The following MSRA variants were observed in gnomAD, a reference collection of about 807,000 sequenced individuals.
The protein encoded by MSRA is methionine sulfoxide reductase A, also known as mitochondrial peptide methionine sulfoxide reductase.
MSRA carries 54 observed loss-of-function variants against 31.3 expected under a neutral mutation model. That is an observed-to-expected ratio of 1.73 (90% CI 1.39 to 2.17). MSRA has a LOEUF of 2.17. Ranked by LOEUF, MSRA falls within the 30% of genes most tolerant of loss-of-function variation. The probability of loss-of-function intolerance (pLI) is 0.00; values close to 1 mark genes in which losing one functional copy is unlikely to be tolerated. For missense variants in MSRA, 507 were observed against 300.9 expected (o/e 1.69, Z -5.07); for synonymous variants, 169 against 116.5 (o/e 1.45, Z -2.90).
At chr8:10,120,272 C>T (rs1444758382) in intron 1 of MSRA, among the ~76,000 whole-genome samples, 1 of 152,182 alleles carries the variant, frequency 6.6e-6, no homozygotes, top group African/African-American at 2.4e-5. Context: ...CCCTGCTGAG[C>T]TTGGAAACAA....
intron 1 of MSRA, among the ~76,000 whole-genome samples, chr8:10,177,481 G>C (rs1362135662): frequency 6.6e-6 from 1 of 152,176 alleles, no homozygotes; most frequent in African/African-American, 2.4e-5. Flanking sequence ...CAGCGAGCTG[G>C]CTTCATGAGT....
intron 1 of MSRA, among the ~76,000 whole-genome samples, chr8:10,160,545 C>A (rs990144809): frequency 2.0e-5 from 3 of 151,798 alleles, no homozygotes; most frequent in African/African-American, 7.3e-5. Flanking sequence ...GAATCCATGA[C>A]ACGTCCTTAA....
chr8:10,405,339 G>C (rs1438976685), intron 5 of MSRA, among the ~76,000 whole-genome samples: 2 of 152,174 alleles, frequency 1.3e-5, no homozygotes, highest in East Asian at 3.9e-4. Context: ...TCCATGTTTG[G>C]GCAGCTCATT....
chr8:10,210,281 G>A (rs1809363042), intron 2 of MSRA, among the ~76,000 whole-genome samples: 2 of 152,186 alleles, frequency 1.3e-5, no homozygotes, highest in Non-Finnish European at 2.9e-5. Flanking sequence ...GTGGTTGGTG[G>A]AGCTACAGTT....
chr8:10,286,611 T>A (rs1476468568), intron 3 of MSRA, among the ~76,000 whole-genome samples: 1 of 152,242 alleles, frequency 6.6e-6, no homozygotes. Flanking sequence ...TTAGATATAC[T>A]GTCTCCATTA....
chr8:10,230,374 G>A (rs1377535589), intron 2 of MSRA, among the ~76,000 whole-genome samples: 4 of 152,216 alleles, frequency 2.6e-5, no homozygotes, highest in African/African-American at 2.4e-5. Context: ...GGAGATGGGG[G>A]TGTAGGAAGT....
intron 5 of MSRA, among the ~76,000 whole-genome samples, chr8:10,329,332 TC>T (rs1460550687): frequency 6.6e-6 from 1 of 152,182 alleles, no homozygotes; most frequent in African/African-American, 2.4e-5. Context: ...CCCCGGATCT[TC>T]CAGCGTCTGG....
chr8:10,281,951 T>G (rs188299174), intron 3 of MSRA, among the ~76,000 whole-genome samples: 9 of 152,260 alleles, frequency 5.9e-5, no homozygotes, highest in Admixed American at 5.2e-4. Context: ...ACTTTGCAGG[T>G]TTTTCAGGCT....
chr8:10,384,958 G>A (rs575969822), intron 5 of MSRA, among the ~76,000 whole-genome samples: 2 of 152,128 alleles, frequency 1.3e-5, no homozygotes, highest in South Asian at 4.2e-4. Context: ...GCCGTGATTG[G>A]GCCACTGCAC....
chr8:10,163,846 A>C (rs1473195600), intron 1 of MSRA, among the ~76,000 whole-genome samples: 1 of 152,212 alleles, frequency 6.6e-6, no homozygotes, highest in Non-Finnish European at 1.5e-5. Flanking sequence ...GGCACAGACC[A>C]GTGTGGCCCC....
rs1447194362 is a variant in MSRA, at chr8:10,232,460, C to T, written c.212-12644C>T. On this transcript the variant is annotated intron_variant, in intron 2 of 5. Coordinates refer to ENST00000317173, the MANE Select transcript of MSRA (RefSeq NM_012331.5). ...CAATTTATGTAGTGAACCCATAGGA[C>T]ATGTCAGATCTGGAAAACTGCCTTT... Among the ~76,000 whole-genome samples the T allele has an allele frequency of 3.3e-5, 5 of 152,288 alleles. No individual in the cohort carries two copies. The East Asian group carries it at 9.7e-4, about 29-fold the overall frequency.
chr8:10,271,960 G>C (rs1036465808), intron 3 of MSRA, among the ~76,000 whole-genome samples: 1 of 152,080 alleles, frequency 6.6e-6, no homozygotes, highest in Non-Finnish European at 1.5e-5. Context: ...CGCACACCTC[G>C]ACCTCCCAAA....
At chr8:10,135,671 C>T (rs1028191078) in intron 1 of MSRA, among the ~76,000 whole-genome samples, 4 of 152,178 alleles carry the variant, frequency 2.6e-5, no homozygotes, top group African/African-American at 9.6e-5. Context: ...TCGCGTGCCC[C>T]TATGCTAAAT....
chr8:10,182,016 G>A (rs1474576743), intron 1 of MSRA, among the ~76,000 whole-genome samples: 1 of 152,122 alleles, frequency 6.6e-6, no homozygotes, highest in East Asian at 1.9e-4. Context: ...GTGGGGCAGG[G>A]AGAGGATATA....
At chr8:10,275,107 T>C (rs550276665) in intron 3 of MSRA, among the ~76,000 whole-genome samples, 13 of 152,146 alleles carry the variant, frequency 8.5e-5, no homozygotes, top group African/African-American at 3.1e-4. Context: ...TTGCTGCCTT[T>C]CATATTCCAG....
intron 1 of MSRA, among the ~76,000 whole-genome samples, chr8:10,152,916 A>G (rs561137653): frequency 2.0e-5 from 3 of 152,324 alleles, no homozygotes; most frequent in African/African-American, 7.2e-5. Flanking sequence ...AAACAGACAC[A>G]TACTATGTAA....
intron 5 of MSRA, among the ~76,000 whole-genome samples, chr8:10,353,048 A>AG (rs1285332719): frequency 6.6e-6 from 1 of 152,030 alleles, no homozygotes; most frequent in Admixed American, 6.6e-5. Flanking sequence ...TCGTTTGGGT[A>AG]GGGGGAGAGG....
chr8:10,422,976 C>T (rs1341393134), intron 5 of MSRA, among the ~76,000 whole-genome samples: 3 of 152,236 alleles, frequency 2.0e-5, no homozygotes, highest in Admixed American at 6.5e-5. Flanking sequence ...GAGGCCGGAG[C>T]GCCACTGCCC....
intron 3 of MSRA, among the ~76,000 whole-genome samples, chr8:10,271,711 G>A (rs553089144): frequency 3.3e-4 from 45 of 134,666 alleles, no homozygotes; most frequent in South Asian, 1.6e-3. Context: ...TAATTTCCAT[G>A]GGTAGTCTTT....
Sources: gnomAD v4.1 joint callset for allele counts (sites outside exome capture counted in the v4.1 genomes callset) on GRCh38, gnomAD v4.1.1 for gene constraint, MANE v1.5 for transcripts, NCBI Gene and HGNC (gene_info 2026-07-23, HGNC 2026-07-21) for gene names.